Variants in FAM131C observed in about 807,000 individuals in gnomAD.
FAM131C encodes family with sequence similarity 131 member C.
A neutral mutation model predicts 29.8 loss-of-function variants in FAM131C; 14 were observed. That is an observed-to-expected ratio of 0.47 (90% confidence interval 0.31 to 0.73). The LOEUF is 0.73. FAM131C is among the 30% of genes least tolerant of loss of function. FAM131C has a pLI of 0.05. For missense variants in FAM131C, 252 were observed against 383.8 expected, an observed-to-expected ratio of 0.66 and a Z score of 2.87; for synonymous variants, 86 against 157.8, an observed-to-expected ratio of 0.54 and a Z score of 3.41.
intron 4 of FAM131C, among the ~76,000 whole-genome samples, chr1:16,061,277 G>A (rs910405363): frequency 2.7e-5 from 3 of 111,494 alleles, no homozygotes; most frequent in Non-Finnish European, 6.0e-5. Context: ...TGAAGGGCAG[G>A]TGAGGTGGAG....
In FAM131C at chr1:16,057,796, C is replaced by T. The variant is rs766897549; in HGVS notation, c.*641G>A. 14 of 169,178 alleles carry T rather than the reference C, an allele frequency of 8.3e-5. No homozygotes were observed. Among genetic ancestry groups the T allele is most frequent in the Non-Finnish European group, 1.4e-4 (11 of 77,812 alleles). The allele number at this position is 169,178 out of a possible 1,614,324, so 10.5% of individuals were successfully genotyped here. ...CAGGGTGAATCCACCACTTTAATGT[C>T]CTCAGAGAACCTTGAGTGAGATGGG... On this transcript the variant is annotated 3_prime_UTR_variant, in exon 7 of 7. Transcript: ENST00000375662.
chr1:16,059,634 G>A (rs754207509), intron 5 of FAM131C, 30 bp from the exon 6 acceptor site: 3 of 1,544,484 alleles, frequency 1.9e-6, no homozygotes, highest in East Asian at 2.3e-5. Context: ...CAGCTCAGGG[G>A]GGCATGGGTG....
intron 1 of FAM131C, among the ~76,000 whole-genome samples, chr1:16,070,599 C>A (rs1359095928): frequency 6.6e-6 from 1 of 152,112 alleles, no homozygotes; most frequent in Non-Finnish European, 1.5e-5. Context: ...CGAGATAAGC[C>A]TGGGCAACAT....
At chr1:16,058,978 T>A (rs2023540833) in intron 6 of FAM131C, among the ~76,000 whole-genome samples, 1 of 152,182 alleles carries the variant, frequency 6.6e-6, no homozygotes, top group African/African-American at 2.4e-5. Flanking sequence ...CCTCTGGGCC[T>A]CTGTCCCCTC....
chr1:16,067,316 T>C (rs10927901), intron 1 of FAM131C, among the ~76,000 whole-genome samples: 38,232 of 152,082 alleles, frequency 0.25, 5,816 homozygotes, highest in African/African-American at 0.42. Context: ...GGACTGGTGG[T>C]CACGTCACCA....
At chr1:16,067,635 TCTC>T (rs2023697786) in intron 1 of FAM131C, among the ~76,000 whole-genome samples, 1 of 152,138 alleles carries the variant, frequency 6.6e-6, no homozygotes, top group Non-Finnish European at 1.5e-5. Context: ...AACCAGAGCT[TCTC>T]CTCTGCATCT....
At position 16,059,502 on chromosome 1, in the gene FAM131C, T is replaced by G; in HGVS notation, c.554A>C (p.Gln185Pro). Reference protein sequence around the residue: ...HPENSPQGIVQLQDLESIYLQ... With the variant: ...HPENSPQGIVPLQDLESIYLQ... ...GACCCTCTGGGCTGTACCTTGGAGC[T>G]GGACGATGCCTTGGGGGCTGTTCTC... The change falls in exon 6 of 7, where the codon CAG becomes CCG. Residue 185 changes from glutamine (Q) to proline (P), a missense_variant. By Grantham distance (76) the Gln-to-Pro change is moderately conservative (BLOSUM62 -1). Coordinates refer to ENST00000375662, the MANE Select transcript of FAM131C (RefSeq NM_182623.3). 6.2e-7 allele frequency: 1 copy of G among 1,610,990 alleles called. No individual in the cohort carries two copies. Among genetic ancestry groups the G allele is most frequent in the Non-Finnish European group, 8.5e-7 (1 of 1,178,634 alleles).
chr1:16,058,354 G>C lies in FAM131C; in HGVS notation c.*83C>G, dbSNP rs1375816613. ...AGGGGTCAAGGGATGCCCTGCCCTG[G>C]ACCCCGGGGTCCAGATATGCCTGGG... On this transcript the variant is annotated 3_prime_UTR_variant, in exon 7 of 7. Coordinates refer to ENST00000375662, the MANE Select transcript of FAM131C (RefSeq NM_182623.3). 3 of 1,366,288 alleles carry C rather than the reference G, an allele frequency of 2.2e-6. No homozygotes were observed. The highest frequency in any genetic ancestry group is 2.9e-5 in the African/African-American group (2 of 68,156). The allele number at this position is 1,366,288 out of a possible 1,614,324, so 84.6% of individuals were successfully genotyped here. A position where few individuals can be genotyped will look rare whatever the true frequency, so the allele number is the denominator to read the frequency against.
chr1:16,061,234 T>G (rs1388658360), intron 4 of FAM131C, among the ~76,000 whole-genome samples: 2 of 150,760 alleles, frequency 1.3e-5, no homozygotes, highest in Non-Finnish European at 1.5e-5. Flanking sequence ...TTGGAGAGGG[T>G]GTTTTGTAGG....
chr1:16,067,138 C>A (rs879837951), intron 1 of FAM131C, among the ~76,000 whole-genome samples: 1 of 152,142 alleles, frequency 6.6e-6, no homozygotes, highest in Non-Finnish European at 1.5e-5. Flanking sequence ...CCCACCCCCT[C>A]CCCAGCCCGC....
intron 1 of FAM131C, among the ~76,000 whole-genome samples, chr1:16,070,061 C>T (rs1032685537): frequency 6.6e-6 from 1 of 152,198 alleles, no homozygotes; most frequent in African/African-American, 2.4e-5. Context: ...TAGCACCTCT[C>T]TCTCTATAGG....
rs1340067404 is a variant in FAM131C at position 16,062,383 on chromosome 1, C to T, written c.174+116G>A. ...CCCCCACCCACTGTTTCATCAGGCC[C>T]CCCCCCCCCCCGCCCCAGGGCCAGC... On this transcript the variant is annotated intron_variant, in intron 3 of 6. Coordinates refer to ENST00000375662, the MANE Select transcript of FAM131C (RefSeq NM_182623.3). 174 of 188,950 alleles carry T rather than the reference C, an allele frequency of 9.2e-4. 2 individuals are homozygous for T. Among genetic ancestry groups the T allele is most frequent in the Middle Eastern group, 2.2e-3 (1 of 458 alleles). 11.7% of individuals were successfully genotyped at this position (188,950 alleles called of 1,614,324 possible). A position where few individuals can be genotyped will look rare whatever the true frequency, so the allele number is the denominator to read the frequency against.
rs1486035886 is a variant in FAM131C at position 16,057,900 on chromosome 1, GGACA to G, written c.*533_*536del. The G allele has an allele frequency of 3.5e-4, 56 of 158,310 alleles. No homozygotes were observed. The highest frequency in any genetic ancestry group is 1.3e-3 in the African/African-American group (53 of 41,634). The allele number at this position is 158,310 out of a possible 1,614,324, so 9.8% of individuals were successfully genotyped here. A position where few individuals can be genotyped will look rare whatever the true frequency, so the allele number is the denominator to read the frequency against. On this transcript the variant is annotated 3_prime_UTR_variant, in exon 7 of 7. Transcript: ENST00000375662. ...GGAGGAAGCAGGTTCAGAGAGGGAG[GGACA>G]GACAGACAGACACTCCAGAGAGACA...
intron 4 of FAM131C, among the ~76,000 whole-genome samples, chr1:16,060,805 G>A (rs1390242457): frequency 1.3e-5 from 2 of 152,204 alleles, no homozygotes; most frequent in African/African-American, 2.4e-5. Context: ...GGGCTCAGAT[G>A]TTCCTGTGCA....
chr1:16,059,647 G>C (rs758421843), intron 5 of FAM131C, 43 bp from the exon 6 acceptor site: 2 of 1,512,452 alleles, frequency 1.3e-6, no homozygotes, highest in South Asian at 1.3e-5. Context: ...CATGGGTGGG[G>C]ACGGCCTCAG....
chr1:16,062,133 G>T lies in FAM131C; in HGVS notation c.234C>A (p.Tyr78Ter), dbSNP rs2023604159. The change falls in exon 4 of 7, where the codon TAC (tyrosine) becomes TAA (stop). Residue 78 changes from tyrosine (Y) to a stop codon, truncating the protein, a stop_gained. Transcript: ENST00000375662. LOFTEE classifies it high-confidence loss of function. Reference protein sequence around the residue: ...LSDSRSRPGNYNVAALATSSL... With the variant: ...LSDSRSRPGN ...ACGAGGTGGCCAGGGCTGCCACGTTGTAGTTGCCGGGGCGGGATCTGGAGT... is the reference window on the plus strand; with the variant it reads ...ACGAGGTGGCCAGGGCTGCCACGTTTTAGTTGCCGGGGCGGGATCTGGAGT... The T allele has an allele frequency of 1.2e-6, 2 of 1,611,934 alleles. No individual in the cohort carries two copies. The highest frequency in any genetic ancestry group is 1.7e-6 in the Non-Finnish European group (2 of 1,179,590).
intron 1 of FAM131C, among the ~76,000 whole-genome samples, chr1:16,071,982 C>A (rs1431752368): frequency 1.3e-5 from 2 of 152,154 alleles, no homozygotes; most frequent in Non-Finnish European, 1.5e-5. Context: ...CTGGCCCCAG[C>A]CAGAGACTGC....
At chr1:16,072,144 C>T (rs762293891) in intron 1 of FAM131C, among the ~76,000 whole-genome samples, 2 of 152,188 alleles carry the variant, frequency 1.3e-5, no homozygotes, top group East Asian at 1.9e-4. Context: ...AGCATGCACA[C>T]GGTGCCTGGC....
At position 16,059,907 on chromosome 1, in the gene FAM131C, C is replaced by T. The variant is rs1191844587; in HGVS notation, c.413G>A (p.Cys138Tyr). The T allele has an allele frequency of 7.3e-7, 1 of 1,376,802 alleles. No homozygotes were observed. Among genetic ancestry groups the T allele is most frequent in the African/African-American group, 1.7e-5 (1 of 58,318 alleles). 85.3% of individuals were successfully genotyped at this position (1,376,802 alleles called of 1,614,324 possible). Residue 138 changes from cysteine (C) to tyrosine (Y), a missense_variant, in exon 5 of 7, where the codon TGC (cysteine) becomes TAC (tyrosine). Physicochemically the swap from Cys to Tyr is radical, Grantham distance 194. This residue lies in a region of FAM131C where 38 missense variants were observed against 32.7 expected (regional missense o/e 1.16). Coordinates refer to ENST00000375662, the MANE Select transcript of FAM131C (RefSeq NM_182623.3). ...GGCCTCACGCAGCTCATCCGGGAGG[C>T]AGCAGTAATGCTCGTCCTCAGCTGG... ...LSPAEDEHYC[C>Y]LPDELREARF...
Sources: allele counts gnomAD v4.1 joint callset (sites outside exome capture counted in the v4.1 genomes callset), GRCh38; gene constraint gnomAD v4.1.1; regional missense constraint gnomAD v4.1.1; transcripts MANE v1.5; gene names NCBI Gene and HGNC (gene_info 2026-07-23, HGNC 2026-07-21).